RBPMS: variants seen among roughly 807,000 people sequenced by gnomAD.
The protein encoded by RBPMS is RNA binding protein, mRNA processing factor.
Under a neutral mutation model 26.8 loss-of-function variants are expected in RBPMS, and 7 were observed. That is an observed-to-expected ratio of 0.26 (90% confidence interval 0.15 to 0.49). RBPMS has a LOEUF of 0.49. Among genes scored for constraint, RBPMS ranks in the 20% least tolerant of loss-of-function variants. The probability of loss-of-function intolerance (pLI) is 0.98; values close to 1 mark genes in which losing one functional copy is unlikely to be tolerated. For missense variants in RBPMS, 186 were observed against 250.0 expected (o/e 0.74, Z 1.73); for synonymous variants, 96 against 93.3 (o/e 1.03, Z -0.17).
Position 30,428,776 on chromosome 8 carries a change from A to G in RBPMS, c.66+43618A>G, listed in dbSNP as rs534936230. Among the ~76,000 whole-genome samples, 196 of 152,098 alleles carry G rather than the reference A, an allele frequency of 1.3e-3. 1 individual carries two copies. Among genetic ancestry groups the G allele is most frequent in the African/African-American group, 3.6e-3 (150 of 41,520 alleles). Reference sequence around the variant, plus strand: ...TACAAGTACGTACTGTGGGAATATAAGGCTTTTTTTTTTTAAGGGTAAGAA... The same window carrying G: ...TACAAGTACGTACTGTGGGAATATAGGGCTTTTTTTTTTTAAGGGTAAGAA... On this transcript the variant is annotated intron_variant, in intron 1 of 8. Transcript: ENST00000397323.
chr8:30,471,200 A>G (rs1018508751), intron 1 of RBPMS, among the ~76,000 whole-genome samples: 1 of 152,178 alleles, frequency 6.6e-6, no homozygotes, highest in Non-Finnish European at 1.5e-5. Context: ...TCCTCTAAAT[A>G]CTTATATGTT....
chr8:30,501,934 C>T (rs1295671741), intron 4 of RBPMS, among the ~76,000 whole-genome samples: 1 of 151,964 alleles, frequency 6.6e-6, no homozygotes, highest in Non-Finnish European at 1.5e-5. Flanking sequence ...TTTTCCTGCC[C>T]CTCTTTTTTC....
intron 7 of RBPMS, among the ~76,000 whole-genome samples, chr8:30,561,441 A>G (rs1827474254): frequency 6.6e-6 from 1 of 152,134 alleles, no homozygotes; most frequent in Non-Finnish European, 1.5e-5. Flanking sequence ...TGAGCTCTCC[A>G]TTGTCAGAGG....
At chr8:30,506,730 G>GT (rs1390546446) in intron 5 of RBPMS, among the ~76,000 whole-genome samples, 9 of 152,142 alleles carry the variant, frequency 5.9e-5, no homozygotes, top group African/African-American at 1.7e-4. Flanking sequence ...GGCCATAGAG[G>GT]TTTTTTATAA....
rs142204081 is a variant in RBPMS at position 30,454,170 on chromosome 8, A to G, written c.67-20609A>G. ...AGTAAAGAGGCAGCTCAGGATTGCTAGTTTAGTATTGAAAACCAGAAAGTG... is the reference window on the plus strand; with the variant it reads ...AGTAAAGAGGCAGCTCAGGATTGCTGGTTTAGTATTGAAAACCAGAAAGTG... On this transcript the variant is annotated intron_variant, in intron 1 of 8. Transcript: ENST00000397323. Among the ~76,000 whole-genome samples the G allele has an allele frequency of 8.5e-5, 13 of 152,356 alleles. No homozygotes were observed. The East Asian group carries it at 1.2e-3, about 14-fold the overall frequency.
intron 5 of RBPMS, among the ~76,000 whole-genome samples, chr8:30,533,358 T>C (rs1375090819): frequency 2.0e-5 from 3 of 152,150 alleles, no homozygotes; most frequent in Non-Finnish European, 1.5e-5. Flanking sequence ...GGGTTTTGTT[T>C]TGCACTGAAA....
chr8:30,555,009 G>A (rs1270264185), intron 6 of RBPMS, among the ~76,000 whole-genome samples: 1 of 152,152 alleles, frequency 6.6e-6, no homozygotes, highest in Non-Finnish European at 1.5e-5. Flanking sequence ...AGGTCTTCCT[G>A]TCCTTGGCAT....
rs75477515 is a variant in RBPMS at position 30,409,036 on chromosome 8, T to C, written c.66+23878T>C. On this transcript the variant is annotated intron_variant, in intron 1 of 8. Coordinates refer to ENST00000397323, the MANE Select transcript of RBPMS (RefSeq NM_001008710.3). ...TAGCATGAATTGGTACCTTTCCCAT[T>C]GTTTGAATGATACCGCCATTGTATG... 2.6e-3 allele frequency among the ~76,000 whole-genome samples: 401 copies of C among 152,258 alleles called. 12 individuals are homozygous for C. The East Asian group carries it at 0.057, about 22-fold the overall frequency.
chr8:30,450,875 A>G (rs375770040), intron 1 of RBPMS, among the ~76,000 whole-genome samples: 1 of 151,926 alleles, frequency 6.6e-6, no homozygotes, highest in African/African-American at 2.4e-5. Flanking sequence ...GAATAAAATT[A>G]CTTCTCCTTT....
intron 3 of RBPMS, among the ~76,000 whole-genome samples, chr8:30,478,347 A>G (rs369271353): frequency 6.6e-6 from 1 of 151,992 alleles, no homozygotes; most frequent in Non-Finnish European, 1.5e-5. Flanking sequence ...TTTTTAAGCT[A>G]AACACTTGGC....
At chr8:30,551,349 C>G (rs1341348064) in intron 6 of RBPMS, among the ~76,000 whole-genome samples, 2 of 152,200 alleles carry the variant, frequency 1.3e-5, no homozygotes, top group Admixed American at 6.5e-5. Flanking sequence ...GTTCAGAAAC[C>G]AGAGTCGGTC....
At chr8:30,434,852 C>A (rs77923714) in intron 1 of RBPMS, among the ~76,000 whole-genome samples, 2 of 151,746 alleles carry the variant, frequency 1.3e-5, no homozygotes, top group African/African-American at 2.4e-5. Flanking sequence ...TAGGGAATTC[C>A]GTTTAATCTG....
At chr8:30,425,357 TTAAG>T (rs1811236751) in intron 1 of RBPMS, among the ~76,000 whole-genome samples, 1 of 152,098 alleles carries the variant, frequency 6.6e-6, no homozygotes, top group Non-Finnish European at 1.5e-5. Context: ...CATCCATAAT[TTAAG>T]TATGTATTTT....
rs192170177 is a variant in RBPMS, at chr8:30,472,565, T to G, written c.67-2214T>G. 4.9e-3 allele frequency among the ~76,000 whole-genome samples: 753 copies of G among 152,336 alleles called. 5 individuals carry two copies. The highest frequency in any genetic ancestry group is 6.2e-3 in the Non-Finnish European group (424 of 68,026). On this transcript the variant is annotated intron_variant, in intron 1 of 8. Transcript: ENST00000397323. ...ATCACATATTTCAAGATGTGTAGTT[T>G]ATTATATATCAATCATAACCTCAAT... is the stretch of plus-strand genomic sequence containing the variant.
intron 4 of RBPMS, among the ~76,000 whole-genome samples, chr8:30,503,228 T>C (rs149211764): frequency 8.1e-4 from 123 of 152,284 alleles, no homozygotes; most frequent in African/African-American, 3.0e-3. Flanking sequence ...TCCTGGTCTC[T>C]AGAGTAAGAG....
intron 1 of RBPMS, among the ~76,000 whole-genome samples, chr8:30,441,222 C>T (rs572346092): frequency 1.1e-3 from 160 of 152,202 alleles, no homozygotes; most frequent in African/African-American, 3.6e-3. Flanking sequence ...GATTTGTGTG[C>T]GATCTGCAAA....
At position 30,572,051 on chromosome 8, in the gene RBPMS, A is replaced by AAC. The variant is rs1333640752; in HGVS notation, c.*1527_*1528insCA. ...GCTCTTTCTTACCGTAAATAAGGGG[A>AAC]AAAGGCAGTTAGCTCAAGGACTTGT... On this transcript the variant is annotated 3_prime_UTR_variant, in exon 9 of 9. Transcript: ENST00000397323. 1 of 152,218 alleles carries AAC rather than the reference A, an allele frequency of 6.6e-6. No individual in the cohort carries two copies. Among genetic ancestry groups the AAC allele is most frequent in the African/African-American group, 2.4e-5 (1 of 41,442 alleles). 9.4% of individuals were successfully genotyped at this position (152,218 alleles called of 1,614,324 possible). A position where few individuals can be genotyped will look rare whatever the true frequency, so the allele number is the denominator to read the frequency against.
At chr8:30,428,482 A>G (rs1780610948) in intron 1 of RBPMS, among the ~76,000 whole-genome samples, 1 of 152,162 alleles carries the variant, frequency 6.6e-6, no homozygotes, top group South Asian at 2.1e-4. Context: ...AGTGTTAACC[A>G]TTGTGATATT....
chr8:30,538,171 A>G (rs865903720), intron 5 of RBPMS, among the ~76,000 whole-genome samples: 8 of 152,212 alleles, frequency 5.3e-5, no homozygotes, highest in Admixed American at 1.3e-4. Flanking sequence ...AGCACGTAGT[A>G]CAGTTGGTTC....
Sources: allele counts gnomAD v4.1 joint callset (sites outside exome capture counted in the v4.1 genomes callset), GRCh38; gene constraint gnomAD v4.1.1; transcripts MANE v1.5; gene names NCBI Gene and HGNC (gene_info 2026-07-23, HGNC 2026-07-21).